SLC14A2: variants seen among roughly 807,000 people sequenced by gnomAD.
The protein encoded by SLC14A2 is urea transporter 2.
A neutral mutation model predicts 104.6 loss-of-function variants in SLC14A2; 91 were observed. The ratio of observed to expected loss-of-function variants is 0.87; its 90% CI spans 0.73 to 1.04. The LOEUF is 1.04. Ranked by LOEUF, SLC14A2 falls within the 50% of genes least tolerant of loss-of-function variation. The pLI, the probability that SLC14A2 is intolerant of heterozygous loss-of-function variation, is 0.00. For synonymous variants in SLC14A2, 476 were observed against 466.4 expected, an observed-to-expected ratio of 1.02 and a Z score of -0.27; for missense variants, 1,189 against 1,156.0, an observed-to-expected ratio of 1.03 and a Z score of -0.41.
chr18:45,371,583 T>C (rs543311815), intron 1 of SLC14A2, among the ~76,000 whole-genome samples: 2 of 152,326 alleles, frequency 1.3e-5, no homozygotes, highest in East Asian at 3.9e-4. Flanking sequence ...TAAGACTACA[T>C]ATAAAGGCAG....
chr18:45,265,187 G>T (rs1457371395), intron 1 of SLC14A2, among the ~76,000 whole-genome samples: 1 of 152,148 alleles, frequency 6.6e-6, no homozygotes, highest in African/African-American at 2.4e-5. Context: ...GGTTGGATCA[G>T]AAGTCAGAGT....
At chr18:45,322,813 CT>C (rs966670256) in intron 1 of SLC14A2, among the ~76,000 whole-genome samples, 8 of 152,090 alleles carry the variant, frequency 5.3e-5, no homozygotes, top group East Asian at 1.9e-4. Flanking sequence ...CAGCCCAGCA[CT>C]TTTTTTTCAC....
At chr18:45,445,357 G>A (rs997791859) in intron 1 of SLC14A2, among the ~76,000 whole-genome samples, 13 of 152,060 alleles carry the variant, frequency 8.5e-5, no homozygotes, top group African/African-American at 1.7e-4. Flanking sequence ...TGATCTGCCC[G>A]CCTCAGCCTT....
intron 1 of SLC14A2, among the ~76,000 whole-genome samples, chr18:45,448,645 G>C (rs531831232): frequency 6.6e-6 from 1 of 152,204 alleles, no homozygotes; most frequent in African/African-American, 2.4e-5. Flanking sequence ...ACCTGCCCTT[G>C]TCCCTCCATC....
intron 19 of SLC14A2, 64 bp from the exon 20 acceptor site, chr18:45,682,255 A>C: frequency 4.2e-6 from 6 of 1,428,448 alleles, no homozygotes; most frequent in Non-Finnish European, 5.9e-6. Context: ...GTGATTGATA[A>C]GGGCTGATTA....
chr18:45,330,561 C>G (rs1390573459), intron 1 of SLC14A2, among the ~76,000 whole-genome samples: 1 of 152,186 alleles, frequency 6.6e-6, no homozygotes, highest in Non-Finnish European at 1.5e-5. Flanking sequence ...AGGCAGAATG[C>G]CTGCCCATCC....
intron 2 of SLC14A2, among the ~76,000 whole-genome samples, chr18:45,497,837 C>T (rs1319261666): frequency 6.6e-6 from 1 of 152,138 alleles, no homozygotes; most frequent in Non-Finnish European, 1.5e-5. Flanking sequence ...CGAAAATGGC[C>T]CAATGACTCA....
At chr18:45,444,889 A>G (rs1185003146) in intron 1 of SLC14A2, among the ~76,000 whole-genome samples, 3 of 152,200 alleles carry the variant, frequency 2.0e-5, no homozygotes, top group South Asian at 4.1e-4. Context: ...CAATTCAGCT[A>G]ATAGCCCATT....
At position 45,287,862 on chromosome 18, in the gene SLC14A2, C is replaced by T. The variant is rs562020787; in HGVS notation, c.-125+74671C>T. The stretch of plus-strand genomic sequence containing the variant: ...GATGAAACGTGGTCTTCCCCAGCCC[C>T]GCAGGACCTACACTAGCACAGCCAG... On this transcript the variant is annotated intron_variant, in intron 1 of 20. Transcript: ENST00000586448. Among the ~76,000 whole-genome samples, 87 of 152,014 alleles carry T rather than the reference C, an allele frequency of 5.7e-4. 1 individual carries two copies. In the South Asian group the frequency reaches 0.017, roughly 30 times the overall value.
chr18:45,383,759 A>T (rs965198477), intron 1 of SLC14A2, among the ~76,000 whole-genome samples: 1 of 152,098 alleles, frequency 6.6e-6, no homozygotes, highest in South Asian at 2.1e-4. Flanking sequence ...CCACCATCCC[A>T]GTGGCATGTG....
intron 7 of SLC14A2, 75 bp from the exon 8 acceptor site, chr18:45,641,134 A>T: frequency 6.6e-7 from 1 of 1,517,858 alleles, no homozygotes; most frequent in Non-Finnish European, 9.0e-7. Flanking sequence ...CCACTCTGAG[A>T]CCTGGCACCA....
chr18:45,235,658 A>C (rs1010262908), intron 1 of SLC14A2, among the ~76,000 whole-genome samples: 4 of 151,542 alleles, frequency 2.6e-5, no homozygotes, highest in Admixed American at 2.6e-4. Context: ...CCATTGTATG[A>C]CTGAGAACGT....
chr18:45,358,587 T>C (rs2085578597), intron 1 of SLC14A2, among the ~76,000 whole-genome samples: 1 of 152,064 alleles, frequency 6.6e-6, no homozygotes, highest in Non-Finnish European at 1.5e-5. Flanking sequence ...TCCCCATAAT[T>C]TTTTTTAGGA....
At chr18:45,284,891 C>G (rs2084797972) in intron 1 of SLC14A2, among the ~76,000 whole-genome samples, 1 of 152,140 alleles carries the variant, frequency 6.6e-6, no homozygotes, top group East Asian at 1.9e-4. Flanking sequence ...GAAGAGGAGG[C>G]TAGCCCAGGA....
chr18:45,278,731 C>G (rs1012495711), intron 1 of SLC14A2, among the ~76,000 whole-genome samples: 15 of 152,082 alleles, frequency 9.9e-5, no homozygotes, highest in African/African-American at 3.4e-4. Context: ...ACTATATTTT[C>G]AATAGTGTCT....
the SLC14A2 span, among the ~76,000 whole-genome samples, chr18:45,179,734 T>G: frequency 6.6e-6 from 1 of 151,164 alleles, no homozygotes; most frequent in Non-Finnish European, 1.5e-5. Context: ...CTCTGGCATA[T>G]AAGGGTTCAG....
chr18:45,567,737 T>C (rs1011928796), intron 2 of SLC14A2, among the ~76,000 whole-genome samples: 2 of 152,064 alleles, frequency 1.3e-5, no homozygotes, highest in African/African-American at 4.8e-5. Flanking sequence ...CTACCTTTCC[T>C]GATCACTTCA....
chr18:45,584,922 A>G (rs965126681), intron 2 of SLC14A2, among the ~76,000 whole-genome samples: 1 of 152,242 alleles, frequency 6.6e-6, no homozygotes, highest in Non-Finnish European at 1.5e-5. Context: ...TTCACGGAAT[A>G]TGAATAGGAA....
In SLC14A2 at chr18:45,538,419, A is replaced by G. The variant is rs139197069; in HGVS notation, c.-35+55097A>G. ...TCTTTCGTGAGGTTTCAGTTAAGCT[A>G]TTATCCAAGGCCACGGTCATTTCAA... On this transcript the variant is annotated intron_variant, in intron 2 of 20. Coordinates refer to the SLC14A2 transcript ENST00000586448. Among the ~76,000 whole-genome samples the G allele has an allele frequency of 5.8e-4, 88 of 152,282 alleles. 1 individual carries two copies. The East Asian group carries it at 0.016, about 28-fold the overall frequency.
Sources: allele counts gnomAD v4.1 joint callset (sites outside exome capture counted in the v4.1 genomes callset), GRCh38; gene constraint gnomAD v4.1.1; transcripts MANE v1.5; gene names NCBI Gene and HGNC (gene_info 2026-07-23, HGNC 2026-07-21).